The following PCSK6 variants were observed in gnomAD, a reference collection of about 807,000 sequenced individuals.
The protein encoded by PCSK6 is proprotein convertase subtilisin/kexin type 6.
A neutral mutation model predicts 123.3 loss-of-function variants in PCSK6; 85 were observed. The observed-to-expected ratio is 0.69, with a 90% CI of 0.58 to 0.83. The LOEUF is 0.83. Ranked by LOEUF, PCSK6 falls within the 40% of genes least tolerant of loss-of-function variation. The pLI, the probability that PCSK6 is intolerant of heterozygous loss-of-function variation, is 0.00. For synonymous variants in PCSK6, 508 were observed against 516.0 expected, an observed-to-expected ratio of 0.98 and a Z score of 0.21; for missense variants, 1,191 against 1,282.3, an observed-to-expected ratio of 0.93 and a Z score of 1.09.
In PCSK6 at chr15:101,382,015, C is replaced by T. The variant is rs879872445; in HGVS notation, c.1532+77G>A. 3.8e-5 allele frequency: 37 copies of T among 962,462 alleles called. 1 individual carries two copies. Among genetic ancestry groups the T allele is most frequent in the Non-Finnish European group, 5.3e-5 (33 of 621,004 alleles). 59.6% of individuals were successfully genotyped at this position (962,462 alleles called of 1,614,324 possible). A position where few individuals can be genotyped will look rare whatever the true frequency, so the allele number is the denominator to read the frequency against. On this transcript the variant is annotated intron_variant, in intron 11 of 21. Coordinates refer to ENST00000611716, the MANE Select transcript of PCSK6 (RefSeq NM_002570.5). ...ACAGAATGCATGTGTGAACACCTCC[C>T]CCAGCCACACCTTACAACAGAGTCA...
rs959359091 is a variant in PCSK6, at chr15:101,393,428, G to C, written c.997-4C>G. ...TGGAGCCCAGGCCCTGCCGGCCCTG[G>C]AGGGACAAGAGGAACAAGGCTTAGC... On this transcript the variant is annotated splice_region_variant and splice_polypyrimidine_tract_variant and intron_variant, in intron 7 of 21. Transcript: ENST00000611716. The C allele has an allele frequency of 6.2e-7, 1 of 1,600,316 alleles. No individual in the cohort carries two copies. Among genetic ancestry groups the C allele is most frequent in the Non-Finnish European group, 8.5e-7 (1 of 1,175,174 alleles).
At chr15:101,456,768 G>A (rs903234012) in intron 1 of PCSK6, among the ~76,000 whole-genome samples, 13 of 152,184 alleles carry the variant, frequency 8.5e-5, no homozygotes, top group South Asian at 2.1e-4. Flanking sequence ...AGATGGAGCC[G>A]GGGAGAGAAA....
chr15:101,342,091 C>T (rs1336715945), intron 13 of PCSK6, among the ~76,000 whole-genome samples: 3 of 129,576 alleles, frequency 2.3e-5, no homozygotes, highest in African/African-American at 9.2e-5. Flanking sequence ...CATTGTGCCA[C>T]TGTACTCCAG....
intron 2 of PCSK6, among the ~76,000 whole-genome samples, chr15:101,434,289 G>A (rs893124783): frequency 6.6e-6 from 1 of 152,200 alleles, no homozygotes; most frequent in African/African-American, 2.4e-5. Flanking sequence ...AGCCCTGTTT[G>A]TGCTAAGGGG....
intron 1 of PCSK6, among the ~76,000 whole-genome samples, chr15:101,466,119 A>G (rs957821119): frequency 6.6e-6 from 1 of 152,216 alleles, no homozygotes; most frequent in Non-Finnish European, 1.5e-5. Flanking sequence ...GACAACCCAG[A>G]GAAGGATGAC....
In PCSK6 at chr15:101,356,275, C is replaced by T. The variant is rs1480461606; in HGVS notation, c.1858+9921G>A. On this transcript the variant is annotated intron_variant, in intron 13 of 21. Transcript: ENST00000611716. ...ACGGCTGGAGTAGCAAGCTCACCCA[C>T]GGTGGAAGCTGCCCCCTCTTCCACA... Among the ~76,000 whole-genome samples, 9 of 152,098 alleles carry T rather than the reference C, an allele frequency of 5.9e-5. No individual in the cohort carries two copies. In the East Asian group the frequency reaches 9.6e-4, roughly 16 times the overall value.
intron 13 of PCSK6, among the ~76,000 whole-genome samples, chr15:101,362,916 G>A (rs2041276370): frequency 6.6e-6 from 1 of 152,222 alleles, no homozygotes; most frequent in Non-Finnish European, 1.5e-5. Flanking sequence ...AACAACCTGG[G>A]GAGGACAGAG....
At position 101,431,399 on chromosome 15, in the gene PCSK6, C is replaced by G; in HGVS notation, c.578G>C (p.Gly193Ala). The G allele has an allele frequency of 6.2e-7, 1 of 1,613,962 alleles. No homozygotes were observed. The highest frequency in any genetic ancestry group is 8.5e-7 in the Non-Finnish European group (1 of 1,179,870). The change falls in exon 4 of 22, where the codon GGC becomes GCC. Residue 193 changes from glycine to alanine, a missense_variant. By Grantham distance (60) the Gly-to-Ala change is moderately conservative. This residue lies in a region of PCSK6 where 357 missense variants were observed against 484.5 expected (regional missense o/e 0.74). Transcript: ENST00000611716. Reference protein sequence around the residue: ...EMNVQAAWKRGYTGKNVVVTI... With the variant: ...EMNVQAAWKRAYTGKNVVVTI... ...GACCACCACGTTTTTTCCTGTGTAG[C>G]CCCTCTTCCACGCTGCCTGGACATT...
chr15:101,456,296 G>A (rs1258606500), intron 1 of PCSK6, among the ~76,000 whole-genome samples: 6 of 152,154 alleles, frequency 3.9e-5, no homozygotes, highest in Non-Finnish European at 8.8e-5. Context: ...CCCACCCACA[G>A]TGACGAGACT....
At chr15:101,391,572 A>C (rs2042235044) in intron 8 of PCSK6, among the ~76,000 whole-genome samples, 1 of 152,240 alleles carries the variant, frequency 6.6e-6, no homozygotes, top group Admixed American at 6.5e-5. Context: ...CTCTATAAAG[A>C]GTCATGTGTC....
intron 13 of PCSK6, among the ~76,000 whole-genome samples, chr15:101,363,376 G>A (rs1209305025): frequency 2.0e-5 from 3 of 152,188 alleles, no homozygotes; most frequent in African/African-American, 4.8e-5. Context: ...CAGCCTCCAT[G>A]TGCTCTCCTG....
chr15:101,335,097 C>G (rs752214646), intron 13 of PCSK6, among the ~76,000 whole-genome samples: 5 of 152,132 alleles, frequency 3.3e-5, no homozygotes, highest in African/African-American at 4.8e-5. Flanking sequence ...GTGGCTAGGA[C>G]TACAGGTGTG....
intron 1 of PCSK6, among the ~76,000 whole-genome samples, chr15:101,464,875 C>T (rs770256209): frequency 6.6e-6 from 1 of 152,204 alleles, no homozygotes; most frequent in Non-Finnish European, 1.5e-5. Context: ...CAGGTTCCCA[C>T]TCTCCACGGG....
intron 6 of PCSK6, among the ~76,000 whole-genome samples, chr15:101,426,852 C>G (rs998791672): frequency 2.7e-5 from 4 of 147,308 alleles, no homozygotes; most frequent in African/African-American, 1.1e-4. Flanking sequence ...GGCACCCTCA[C>G]CAAGGCTCAG....
At chr15:101,338,323 C>T (rs2040528863) in intron 13 of PCSK6, among the ~76,000 whole-genome samples, 3 of 152,122 alleles carry the variant, frequency 2.0e-5, no homozygotes, top group African/African-American at 7.2e-5. Flanking sequence ...CTTTAGTTTT[C>T]AGGAGGCATC....
intron 15 of PCSK6, among the ~76,000 whole-genome samples, chr15:101,329,271 T>A (rs2040325154): frequency 6.6e-6 from 1 of 152,030 alleles, no homozygotes; most frequent in Non-Finnish European, 1.5e-5. Context: ...AACTTGGGAG[T>A]TCTCCATGTG....
chr15:101,416,802 A>C (rs1332417727), intron 6 of PCSK6, among the ~76,000 whole-genome samples: 1 of 152,220 alleles, frequency 6.6e-6, no homozygotes, highest in Non-Finnish European at 1.5e-5. Context: ...TTGTGTGTTG[A>C]GCCTGCAGGT....
chr15:101,390,952 C>G (rs1028156169), intron 8 of PCSK6, among the ~76,000 whole-genome samples: 1 of 152,100 alleles, frequency 6.6e-6, no homozygotes, highest in Non-Finnish European at 1.5e-5. Context: ...TTTGCCTAAC[C>G]TTTGAGAATC....
chr15:101,412,690 A>ATT (rs1297687262), intron 6 of PCSK6, among the ~76,000 whole-genome samples: 3 of 99,162 alleles, frequency 3.0e-5, no homozygotes, highest in East Asian at 2.1e-4. Context: ...GAACTGGAAA[A>ATT]TTATATATAT....
Sources: allele counts gnomAD v4.1 joint callset (sites outside exome capture counted in the v4.1 genomes callset), GRCh38; gene constraint gnomAD v4.1.1; regional missense constraint gnomAD v4.1.1; transcripts MANE v1.5; gene names NCBI Gene and HGNC (gene_info 2026-07-23, HGNC 2026-07-21).